The following CHEK2 variants were observed in gnomAD, a reference collection of about 807,000 sequenced individuals.
CHEK2 encodes the protein checkpoint kinase 2, also known as serine/threonine-protein kinase Chk2.
CHEK2 carries 71 observed loss-of-function variants against 69.1 expected under a neutral mutation model. The observed-to-expected ratio is 1.03, with a 90% CI of 0.85 to 1.25. The LOEUF (loss-of-function observed/expected upper bound fraction) is 1.25, where lower values mean the gene tolerates loss of function less well. Ranked by LOEUF, CHEK2 falls within the 50% of genes most tolerant of loss-of-function variation. CHEK2 has a pLI of 0.00. For synonymous variants in CHEK2, 189 were observed against 226.9 expected (o/e 0.83, Z 1.50); for missense variants, 664 against 649.6 (o/e 1.02, Z -0.24).
At chr22:28,735,234 G>A (rs913907898) in intron 1 of CHEK2, among the ~76,000 whole-genome samples, 6 of 151,960 alleles carry the variant, frequency 3.9e-5, no homozygotes, top group South Asian at 2.1e-4. Context: ...GTGAAACTCC[G>A]TCTCTACTAA....
At chr22:28,741,011 A>C (rs1253741411) in intron 1 of CHEK2, among the ~76,000 whole-genome samples, 1 of 151,906 alleles carries the variant, frequency 6.6e-6, no homozygotes, top group East Asian at 1.9e-4. Flanking sequence ...CTAGCCGGGC[A>C]TGGTGGCGGG....
intron 2 of CHEK2, chr22:28,730,642 G>A (rs1440421622): frequency 5.2e-5 from 26 of 501,614 alleles, no homozygotes; most frequent in Non-Finnish European, 7.0e-5. Flanking sequence ...TGGATCACCC[G>A]AGGGCAGGAG....
chr22:28,708,363 A>ATGTGTGTGTGTGTGTGTGTGTG (rs10694007), intron 7 of CHEK2, among the ~76,000 whole-genome samples: 15 of 139,764 alleles, frequency 1.1e-4, no homozygotes, highest in South Asian at 4.7e-4. Context: ...CTCTAAAAAT[A>ATGTGTGTGTGTGTGTGTGTGTG]TGTGTGTGTG....
intron 9 of CHEK2, among the ~76,000 whole-genome samples, chr22:28,699,001 G>A (rs1601733980): frequency 2.0e-5 from 3 of 151,938 alleles, no homozygotes; most frequent in Non-Finnish European, 2.9e-5. Context: ...GGCGACATAG[G>A]GCCATGTTAT....
intron 2 of CHEK2, among the ~76,000 whole-genome samples, chr22:28,728,766 G>A (rs2054093849): frequency 6.6e-6 from 1 of 151,982 alleles, no homozygotes; most frequent in Non-Finnish European, 1.5e-5. Context: ...AAAGAAAAGT[G>A]CAGTCCCAGA....
intron 6 of CHEK2, among the ~76,000 whole-genome samples, chr22:28,711,049 T>C (rs867295700): frequency 6.6e-6 from 1 of 152,074 alleles, no homozygotes; most frequent in Non-Finnish European, 1.5e-5. Context: ...GGAAAAAAAA[T>C]TGATCTTTAA....
At chr22:28,711,049 T>A (rs867295700) in intron 6 of CHEK2, among the ~76,000 whole-genome samples, 52 of 152,192 alleles carry the variant, frequency 3.4e-4, no homozygotes, top group African/African-American at 1.0e-3. Flanking sequence ...GGAAAAAAAA[T>A]TGATCTTTAA....
chr22:28,690,248 T>C (rs2052308802), intron 13 of CHEK2, among the ~76,000 whole-genome samples: 1 of 152,166 alleles, frequency 6.6e-6, no homozygotes. Flanking sequence ...TCCCAGCACT[T>C]TGGGAGGCCA....
intron 14 of CHEK2, 97 bp downstream of exon 14, chr22:28,689,038 A>C: frequency 1.3e-6 from 1 of 765,704 alleles, no homozygotes; most frequent in South Asian, 1.4e-5. Flanking sequence ...AACAATGTTA[A>C]GCAATTGCTA....
At chr22:28,708,387 G>GTGTGTGTC (rs2053248328) in intron 7 of CHEK2, among the ~76,000 whole-genome samples, 1 of 151,354 alleles carries the variant, frequency 6.6e-6, no homozygotes, top group Non-Finnish European at 1.5e-5. Context: ...GTGTGTGTGT[G>GTGTGTGTC]TGTGTGTGTG....
intron 8 of CHEK2, 70 bp downstream of exon 8, chr22:28,703,435 A>C: frequency 2.3e-6 from 2 of 857,796 alleles, no homozygotes; most frequent in South Asian, 2.9e-5. Context: ...GCAAGCCTAC[A>C]TTAGATTCTT....
At chr22:28,741,560 T>C (rs529977167) in intron 1 of CHEK2, among the ~76,000 whole-genome samples, 2 of 152,192 alleles carry the variant, frequency 1.3e-5, no homozygotes, top group African/African-American at 4.8e-5. Context: ...TTATCCTGTA[T>C]GTTCAGGCCT....
rs751080207 is a variant in CHEK2, at chr22:28,725,185, T to C, written c.444+58A>G. 2.5e-6 allele frequency: 4 copies of C among 1,613,942 alleles called. No homozygotes were observed. In the South Asian group the frequency reaches 3.3e-5, roughly 13 times the overall value. On this transcript the variant is annotated intron_variant, in intron 3 of 14. Transcript: ENST00000404276. ...AGCAGAGATTTATAGTGGGAAAATA[T>C]CTAAAAACAATGACCAAATTACCAG...
chr22:28,735,130 A>AG (rs2054358353), intron 1 of CHEK2, among the ~76,000 whole-genome samples: 3 of 152,286 alleles, frequency 2.0e-5, no homozygotes, highest in Middle Eastern at 3.4e-3. Flanking sequence ...ACAGGGGGCC[A>AG]GGCGCGGGGG....
At chr22:28,712,239 G>C in intron 5 of CHEK2, 3 of 581,938 alleles carry the variant, frequency 5.2e-6, no homozygotes, top group Non-Finnish European at 9.2e-6. Flanking sequence ...TCTGAGCCCA[G>C]CAATACAAAC....
At chr22:28,693,995 A>G in intron 13 of CHEK2, 37 bp downstream of exon 13, 1 of 1,299,756 alleles carries the variant, frequency 7.7e-7, no homozygotes, top group Non-Finnish European at 1.1e-6. Context: ...AGGGCTTCCC[A>G]TGTATTTTAT....
intron 2 of CHEK2, chr22:28,729,136 C>A (rs991929514): frequency 1.3e-4 from 21 of 157,690 alleles, no homozygotes; most frequent in Non-Finnish European, 7.1e-5. Flanking sequence ...AGAGACATCA[C>A]AGTAAAACCA....
chr22:28,733,747 C>T (rs2054284119), intron 2 of CHEK2, among the ~76,000 whole-genome samples: 1 of 151,794 alleles, frequency 6.6e-6, no homozygotes, highest in Non-Finnish European at 1.5e-5. Flanking sequence ...GGTGAAACCC[C>T]GTCTCTACTA....
rs748898751 is a variant in CHEK2 at position 28,697,023 on chromosome 22, G to A, written c.1009-36C>T. 4 of 1,305,732 alleles carry A rather than the reference G, an allele frequency of 3.1e-6. No individual in the cohort carries two copies. In the South Asian group the frequency reaches 3.5e-5, roughly 12 times the overall value. The allele number at this position is 1,305,732 out of a possible 1,614,324, so 80.9% of individuals were successfully genotyped here. ...AGGCAGGCATGACCCTCAGATTCATGCAGTAGATACTTAAGTAGAATCAAA... is the reference window on the plus strand; with the variant it reads ...AGGCAGGCATGACCCTCAGATTCATACAGTAGATACTTAAGTAGAATCAAA... On this transcript the variant is annotated intron_variant, in intron 9 of 14. Coordinates refer to ENST00000404276, the MANE Select transcript of CHEK2 (RefSeq NM_007194.4).
Sources: gnomAD v4.1 joint callset for allele counts (sites outside exome capture counted in the v4.1 genomes callset) on GRCh38, gnomAD v4.1.1 for gene constraint, MANE v1.5 for transcripts, NCBI Gene and HGNC (gene_info 2026-07-23, HGNC 2026-07-21) for gene names.